The following ILRUN variants were observed in gnomAD, a reference collection of about 807,000 sequenced individuals.
The protein encoded by ILRUN is protein ILRUN.
A neutral mutation model predicts 33.8 loss-of-function variants in ILRUN; 3 were observed. The ratio of observed to expected loss-of-function variants is 0.09; its 90% confidence interval spans 0.04 to 0.23. The LOEUF (loss-of-function observed/expected upper bound fraction) is 0.23, where lower values mean the gene tolerates loss of function less well. ILRUN is among the 10% of genes least tolerant of loss of function. The pLI, the probability that ILRUN is intolerant of heterozygous loss-of-function variation, is 1.00. For missense variants in ILRUN, 210 were observed against 375.1 expected, an observed-to-expected ratio of 0.56 and a Z score of 3.64; for synonymous variants, 124 against 138.9, an observed-to-expected ratio of 0.89 and a Z score of 0.75.
intron 1 of ILRUN, among the ~76,000 whole-genome samples, chr6:34,680,857 GGAAA>G (rs1369110941): frequency 1.3e-5 from 2 of 150,956 alleles, no homozygotes; most frequent in Non-Finnish European, 2.9e-5. Context: ...CTTTAGAACA[GGAAA>G]GAAAGAAAAA....
At chr6:34,680,645 G>C (rs1252965038) in intron 1 of ILRUN, among the ~76,000 whole-genome samples, 1 of 152,024 alleles carries the variant, frequency 6.6e-6, no homozygotes, top group African/African-American at 2.4e-5. Flanking sequence ...TAGAAACAAG[G>C]TTTCACCACG....
chr6:34,687,434 G>A (rs1175756197), intron 1 of ILRUN, among the ~76,000 whole-genome samples: 1 of 151,870 alleles, frequency 6.6e-6, no homozygotes, highest in Admixed American at 6.6e-5. Flanking sequence ...GGTGGCTCAC[G>A]CCTGTAATCC....
chr6:34,683,477 T>TATATATACATATATATATAC (rs1562033096), intron 1 of ILRUN, among the ~76,000 whole-genome samples: 3 of 102,224 alleles, frequency 2.9e-5, no homozygotes, highest in African/African-American at 9.8e-5. Context: ...TATATACACA[T>TATATATACATATATATATAC]ATATATATAC....
At chr6:34,689,514 C>A (rs1021252202) in intron 1 of ILRUN, among the ~76,000 whole-genome samples, 2 of 152,034 alleles carry the variant, frequency 1.3e-5, no homozygotes, top group Non-Finnish European at 2.9e-5. Context: ...CTTCCTTACC[C>A]TCTTCCTAAA....
Position 34,606,765 on chromosome 6 carries a change from T to C in ILRUN, c.651A>G (p.Gln217=), listed in dbSNP as rs774911852. 1.5e-5 allele frequency: 25 copies of C among 1,614,022 alleles called. No individual in the cohort carries two copies. The highest frequency in any genetic ancestry group is 9.3e-5 in the African/African-American group (7 of 74,896). ...TGTTTTCATCTGATTGTCGGTTCTT[T>C]TGGGGAGAGGCAAAAGGGTTGAAGT... ...EGNFNPFASP[Q]KNRQSDENNL... is the part of the protein sequence containing the mutation. The change falls in exon 4 of 5, where the codon CAA becomes CAG. Residue 217 remains glutamine, a synonymous_variant. Coordinates refer to ENST00000374023, the MANE Select transcript of ILRUN (RefSeq NM_024294.4).
chr6:34,619,307 A>G (rs575565257), intron 3 of ILRUN, among the ~76,000 whole-genome samples: 177 of 152,224 alleles, frequency 1.2e-3, no homozygotes, highest in South Asian at 2.7e-3. Context: ...ATATATATAT[A>G]GAAGGATCTT....
intron 1 of ILRUN, among the ~76,000 whole-genome samples, chr6:34,676,447 T>C (rs902024708): frequency 8.6e-5 from 13 of 150,832 alleles, no homozygotes; most frequent in African/African-American, 2.2e-4. Context: ...GCTAGCTAGA[T>C]AGATAGATAT....
rs1375860393 is a variant in ILRUN at position 34,611,651 on chromosome 6, G to C, written c.512-4747C>G. 3.9e-5 allele frequency among the ~76,000 whole-genome samples: 6 copies of C among 152,230 alleles called. No individual in the cohort carries two copies. In the East Asian group the frequency reaches 1.2e-3, roughly 29 times the overall value. On this transcript the variant is annotated intron_variant, in intron 3 of 4. Coordinates refer to ENST00000374023, the MANE Select transcript of ILRUN (RefSeq NM_024294.4). ...TTCCCAATTCTTACCAGAATGCCTT[G>C]ATCACTGAGATAAGAACTAGCTGCT...
At chr6:34,643,764 G>A (rs1582072941) in intron 3 of ILRUN, among the ~76,000 whole-genome samples, 1 of 152,304 alleles carries the variant, frequency 6.6e-6, no homozygotes, top group East Asian at 1.9e-4. Flanking sequence ...GCGCAGTGGC[G>A]CGATCTCGGC....
intron 1 of ILRUN, among the ~76,000 whole-genome samples, chr6:34,689,510 T>C (rs1382447471): frequency 6.6e-6 from 1 of 152,124 alleles, no homozygotes; most frequent in African/African-American, 2.4e-5. Context: ...AGCCCTTCCT[T>C]ACCCTCTTCC....
intron 1 of ILRUN, among the ~76,000 whole-genome samples, chr6:34,690,036 T>G (rs1470864227): frequency 6.6e-6 from 1 of 152,150 alleles, no homozygotes; most frequent in Non-Finnish European, 1.5e-5. Flanking sequence ...ACTGCTATAC[T>G]GAGAAATAAG....
At chr6:34,629,926 G>C (rs1340880370) in intron 3 of ILRUN, among the ~76,000 whole-genome samples, 3 of 152,060 alleles carry the variant, frequency 2.0e-5, no homozygotes, top group Non-Finnish European at 4.4e-5. Context: ...TATATACTAT[G>C]TTCTTCCCTA....
chr6:34,603,217 A>G (rs1487024524), intron 4 of ILRUN, among the ~76,000 whole-genome samples: 1 of 152,174 alleles, frequency 6.6e-6, no homozygotes, highest in African/African-American at 2.4e-5. Context: ...CCTAGCCAAT[A>G]AAGATGGCAA....
intron 3 of ILRUN, among the ~76,000 whole-genome samples, chr6:34,612,040 G>A (rs1018243826): frequency 2.6e-5 from 4 of 152,186 alleles, no homozygotes; most frequent in African/African-American, 9.7e-5. Flanking sequence ...AGAATCATGT[G>A]CCATGAGAAC....
intron 4 of ILRUN, 42 bp downstream of exon 4, chr6:34,606,513 A>C (rs745328279): frequency 3.3e-6 from 5 of 1,535,980 alleles, no homozygotes; most frequent in African/African-American, 2.7e-5. Context: ...CACAAGTCCC[A>C]AGGCCCACCA....
intron 3 of ILRUN, among the ~76,000 whole-genome samples, chr6:34,641,708 A>G (rs1762478813): frequency 6.6e-6 from 1 of 152,206 alleles, no homozygotes; most frequent in Non-Finnish European, 1.5e-5. Flanking sequence ...GATTCCACAA[A>G]GTCCTGAGAA....
chr6:34,601,439 G>A (rs897730078), intron 4 of ILRUN, among the ~76,000 whole-genome samples: 1 of 151,398 alleles, frequency 6.6e-6, no homozygotes, highest in African/African-American at 2.4e-5. Flanking sequence ...CAACTCTAGG[G>A]TTTCATGGCA....
Position 34,646,820 on chromosome 6 carries a change from A to C in ILRUN, c.314-22T>G. The C allele has an allele frequency of 1.2e-6, 2 of 1,611,118 alleles. No individual in the cohort carries two copies. The highest frequency in any genetic ancestry group is 8.5e-7 in the Non-Finnish European group (1 of 1,178,552). On this transcript the variant is annotated intron_variant, in intron 2 of 4. Coordinates refer to ENST00000374023, the MANE Select transcript of ILRUN (RefSeq NM_024294.4). The surrounding 1 kb of genome is among the most constrained non-coding windows in gnomAD (Gnocchi z 4.9). ...GCCCCTGAGTTCAAGCAAAAGAAAA[A>C]AATGTTAGGCAATCAATGGTCCTAT... is the stretch of plus-strand genomic sequence containing the variant.
intron 2 of ILRUN, among the ~76,000 whole-genome samples, chr6:34,651,695 T>C (rs1035002552): frequency 2.7e-5 from 4 of 149,296 alleles, no homozygotes; most frequent in Non-Finnish European, 4.4e-5. Flanking sequence ...CAAATAAAAC[T>C]TGAATTCAAG....
Sources: allele counts gnomAD v4.1 joint callset (sites outside exome capture counted in the v4.1 genomes callset), GRCh38; gene constraint gnomAD v4.1.1; non-coding constraint Gnocchi (gnomAD v3.1); transcripts MANE v1.5; gene names NCBI Gene and HGNC (gene_info 2026-07-23, HGNC 2026-07-21).